WASF3: variants seen among roughly 807,000 people sequenced by gnomAD.
WASF3 encodes actin-binding protein WASF3.
Under a neutral mutation model 46.6 loss-of-function variants are expected in WASF3, and 11 were observed. The observed-to-expected ratio is 0.24, with a 90% CI of 0.15 to 0.39. The LOEUF (loss-of-function observed/expected upper bound fraction) is 0.39. WASF3 is among the 10% of genes least tolerant of loss of function. WASF3 has a pLI of 1.00. For missense variants in WASF3, 576 were observed against 669.8 expected, an observed-to-expected ratio of 0.86 and a Z score of 1.55; for synonymous variants, 242 against 259.7, an observed-to-expected ratio of 0.93 and a Z score of 0.65.
the WASF3 span, among the ~76,000 whole-genome samples, chr13:26,539,696 G>T: frequency 6.6e-6 from 1 of 152,166 alleles, no homozygotes; most frequent in Non-Finnish European, 1.5e-5. Flanking sequence ...ATAAATCTAA[G>T]TCTGATTCTT....
chr13:26,593,987 A>G (rs997996283), intron 1 of WASF3, among the ~76,000 whole-genome samples: 15 of 152,322 alleles, frequency 9.8e-5, no homozygotes, highest in Admixed American at 4.6e-4. Context: ...CTTTGTCCAC[A>G]TTTGTGTTCA....
chr13:26,686,122 G>A lies in WASF3; in HGVS notation c.*277G>A. The A allele has an allele frequency of 5.0e-6, 2 of 397,308 alleles. No individual in the cohort carries two copies. The highest frequency in any genetic ancestry group is 4.6e-6 in the Non-Finnish European group (1 of 217,616). The allele number at this position is 397,308 out of a possible 1,614,324, so 24.6% of individuals were successfully genotyped here. Reference sequence around the variant, plus strand: ...ATCTGCTTTCCTCTTGGCCATGAGAGTATTTAGTGCAGTTTGGGTTTACTC... The same window carrying A: ...ATCTGCTTTCCTCTTGGCCATGAGAATATTTAGTGCAGTTTGGGTTTACTC... On this transcript the variant is annotated 3_prime_UTR_variant, in exon 10 of 10. Transcript: ENST00000335327.
Position 26,687,930 on chromosome 13 carries a change from A to C in WASF3, c.*2085A>C, listed in dbSNP as rs1166080844. 1.3e-5 allele frequency: 2 copies of C among 152,084 alleles called. No individual in the cohort carries two copies. The highest frequency in any genetic ancestry group is 2.9e-5 in the Non-Finnish European group (2 of 68,020). The allele number at this position is 152,084 out of a possible 1,614,324, so 9.4% of individuals were successfully genotyped here. On this transcript the variant is annotated 3_prime_UTR_variant, in exon 10 of 10. Coordinates refer to ENST00000335327, the MANE Select transcript of WASF3 (RefSeq NM_006646.6). The stretch of plus-strand genomic sequence containing the variant: ...GGATGGAGAGAACACAGAAGCTACT[A>C]TCCATGTCAGGATTTATTCTATTTA...
chr13:26,556,944 C>T (rs1024438897), upstream of WASF3, among the ~76,000 whole-genome samples: 1 of 147,484 alleles, frequency 6.8e-6, no homozygotes, highest in Non-Finnish European at 1.5e-5. Flanking sequence ...TCTATCTTGG[C>T]TTTTCTATCT....
At chr13:26,663,268 C>G (rs574423661) in intron 3 of WASF3, among the ~76,000 whole-genome samples, 1 of 152,008 alleles carries the variant, frequency 6.6e-6, no homozygotes, top group African/African-American at 2.4e-5. Context: ...AGAATCTTAA[C>G]AGACGTCAAC....
intron 5 of WASF3, among the ~76,000 whole-genome samples, chr13:26,670,247 A>G (rs1167442433): frequency 6.6e-6 from 1 of 152,142 alleles, no homozygotes; most frequent in Non-Finnish European, 1.5e-5. Context: ...TCAGCAAACT[A>G]ACACAGGAAC....
chr13:26,567,075 G>C (rs1453317071), intron 1 of WASF3, among the ~76,000 whole-genome samples: 7 of 152,222 alleles, frequency 4.6e-5, no homozygotes, highest in Non-Finnish European at 1.0e-4. Flanking sequence ...AGTGGTTCTT[G>C]TTTGGCTGTT....
chr13:26,627,012 CAAGAAAG>C (rs57216080), intron 2 of WASF3, among the ~76,000 whole-genome samples: 9,724 of 152,058 alleles, frequency 0.064, 836 homozygotes, highest in African/African-American at 0.19. Context: ...AGAGTATAAC[CAAGAAAG>C]TAGAAAGTAG....
At chr13:26,567,728 CCTTCA>C (rs1282983325) in intron 1 of WASF3, among the ~76,000 whole-genome samples, 1 of 151,250 alleles carries the variant, frequency 6.6e-6, no homozygotes, top group African/African-American at 2.4e-5. Flanking sequence ...ATATAATCTC[CCTTCA>C]CTTGCTTTGC....
the WASF3 span, among the ~76,000 whole-genome samples, chr13:26,543,160 G>T: frequency 1.3e-5 from 2 of 152,262 alleles, no homozygotes; most frequent in Non-Finnish European, 2.9e-5. Flanking sequence ...GGGACGTGGA[G>T]GTGGTGGGAA....
At chr13:26,592,634 A>G (rs1469066797) in intron 1 of WASF3, among the ~76,000 whole-genome samples, 2 of 152,158 alleles carry the variant, frequency 1.3e-5, no homozygotes, top group Non-Finnish European at 2.9e-5. Context: ...ATTTAACCTT[A>G]ATTACCACTA....
At chr13:26,568,916 G>A (rs1332995352) in intron 1 of WASF3, among the ~76,000 whole-genome samples, 1 of 152,178 alleles carries the variant, frequency 6.6e-6, no homozygotes, top group Non-Finnish European at 1.5e-5. Context: ...AAGCAAACCG[G>A]TCTGCTGTCT....
the WASF3 span, among the ~76,000 whole-genome samples, chr13:26,541,258 A>G: frequency 2.0e-5 from 3 of 152,156 alleles, no homozygotes; most frequent in African/African-American, 4.8e-5. Flanking sequence ...CTGAGTCCCA[A>G]CGTGTTGGGC....
chr13:26,647,695 G>A (rs1309392867), intron 3 of WASF3, among the ~76,000 whole-genome samples: 2 of 149,862 alleles, frequency 1.3e-5, no homozygotes, highest in African/African-American at 2.5e-5. Context: ...GCTGTTTTTC[G>A]CTCCTCCCCC....
rs1003591232 is a variant in WASF3, at chr13:26,612,985, A to G, written c.-84A>G. The G allele has an allele frequency of 5.9e-5, 9 of 152,038 alleles. No individual in the cohort carries two copies. The highest frequency in any genetic ancestry group is 4.1e-4 in the South Asian group (2 of 4,828). The allele number at this position is 152,038 out of a possible 1,614,324, so 9.4% of individuals were successfully genotyped here. On this transcript the variant is annotated 5_prime_UTR_variant, in exon 2 of 10. Transcript: ENST00000335327. ...GTTTTAGTTTTGATTGCTGTTAACT[A>G]CTACTGATAACTGAGCCAAAGTGGT...
chr13:26,676,764 G>T (rs767182598), intron 7 of WASF3, 40 bp downstream of exon 7: 10 of 1,570,678 alleles, frequency 6.4e-6, no homozygotes, highest in Admixed American at 1.9e-5. Context: ...TGATGCTTGG[G>T]CAACTGGGTA....
intron 1 of WASF3, among the ~76,000 whole-genome samples, chr13:26,571,275 GCTTTT>G (rs60304724): frequency 0.44 from 65,934 of 151,386 alleles, 14,610 homozygotes; most frequent in Non-Finnish European, 0.49. Flanking sequence ...GATTTATCAA[GCTTTT>G]CTTTAATTGA....
At chr13:26,623,689 G>A (rs1461246193) in intron 2 of WASF3, among the ~76,000 whole-genome samples, 1 of 152,152 alleles carries the variant, frequency 6.6e-6, no homozygotes, top group Non-Finnish European at 1.5e-5. Flanking sequence ...TGAGGTCCAG[G>A]TATATGGATC....
At chr13:26,659,227 C>T (rs924105608) in intron 3 of WASF3, among the ~76,000 whole-genome samples, 3 of 151,292 alleles carry the variant, frequency 2.0e-5, no homozygotes, top group African/African-American at 4.9e-5. Context: ...AGTGAGGGAG[C>T]AAACCATGTG....
Sources: allele counts gnomAD v4.1 joint callset (sites outside exome capture counted in the v4.1 genomes callset), GRCh38; gene constraint gnomAD v4.1.1; transcripts MANE v1.5; gene names NCBI Gene and HGNC (gene_info 2026-07-23, HGNC 2026-07-21).